Variants in GRIP1 observed in about 807,000 individuals in gnomAD.
GRIP1 encodes glutamate receptor-interacting protein 1.
A neutral mutation model predicts 129.9 loss-of-function variants in GRIP1; 45 were observed. That is an observed-to-expected ratio of 0.35 (90% CI 0.27 to 0.44). The LOEUF is 0.44. Among genes scored for constraint, GRIP1 ranks in the 20% least tolerant of loss-of-function variants. GRIP1 has a pLI of 1.00. For missense variants in GRIP1, 1,196 were observed against 1,396.8 expected (o/e 0.86, Z 2.29); for synonymous variants, 530 against 520.8 (o/e 1.02, Z -0.24).
At position 66,745,328 on chromosome 12, in the gene GRIP1, C is replaced by T. The variant is rs78171575; in HGVS notation, c.-420+58725G>A. 5.9e-3 allele frequency among the ~76,000 whole-genome samples: 899 copies of T among 152,196 alleles called. 27 individuals carry two copies. Among genetic ancestry groups the T allele is most frequent in the Admixed American group, 0.04 (604 of 15,270 alleles). On this transcript the variant is annotated intron_variant, in intron 1 of 4. Transcript: ENST00000538373. ...GCTCAAGACTATAGATGAATCAAAG[C>T]TGAAGAAAGACAAGGTACATAGAGT...
intron 1 of GRIP1, among the ~76,000 whole-genome samples, chr12:66,950,500 T>C (rs1007664852): frequency 1.3e-5 from 2 of 152,148 alleles, no homozygotes; most frequent in African/African-American, 4.8e-5. Flanking sequence ...TCTAAAATAT[T>C]TTCTAAAATA....
intron 1 of GRIP1, among the ~76,000 whole-genome samples, chr12:67,010,673 T>C (rs2042692240): frequency 6.6e-6 from 1 of 150,600 alleles, no homozygotes; most frequent in Non-Finnish European, 1.5e-5. Context: ...GCCAGTGAGA[T>C]TGTGTTCACT....
intron 19 of GRIP1, among the ~76,000 whole-genome samples, chr12:66,386,848 G>C (rs1362217031): frequency 1.3e-5 from 2 of 152,132 alleles, no homozygotes; most frequent in Non-Finnish European, 2.9e-5. Flanking sequence ...AATTGATCTT[G>C]CCAAGAAATA....
chr12:66,501,065 G>C (rs1221645872), intron 7 of GRIP1, among the ~76,000 whole-genome samples: 1 of 152,176 alleles, frequency 6.6e-6, no homozygotes, highest in African/African-American at 2.4e-5. Context: ...AGAAGAGCCA[G>C]GAGACAGGGG....
At chr12:66,815,144 T>C (rs200390899) in intron 1 of GRIP1, among the ~76,000 whole-genome samples, 1 of 152,196 alleles carries the variant, frequency 6.6e-6, no homozygotes, top group East Asian at 1.9e-4. Context: ...GTTTAAGGAA[T>C]AAAGCAATTA....
At chr12:66,892,671 A>G (rs969133610) in intron 1 of GRIP1, among the ~76,000 whole-genome samples, 1 of 152,218 alleles carries the variant, frequency 6.6e-6, no homozygotes, top group Admixed American at 6.5e-5. Flanking sequence ...CAATCAGGAT[A>G]CAAAACTGGA....
At position 67,008,621 on chromosome 12, in the gene GRIP1, G is replaced by A. The variant is rs116975247; in HGVS notation, c.58+60429C>T. Among the ~76,000 whole-genome samples, 632 of 152,218 alleles carry A rather than the reference G, an allele frequency of 4.2e-3. 2 individuals are homozygous for A. The highest frequency in any genetic ancestry group is 7.7e-3 in the Non-Finnish European group (521 of 67,998). On this transcript the variant is annotated intron_variant, in intron 1 of 1. Coordinates refer to the GRIP1 transcript ENST00000643019. ...CAACATACTAAATATGTGACCTTGAGCAAGTTACTTAACATCCCTACCCCT... is the reference window on the plus strand; with the variant it reads ...CAACATACTAAATATGTGACCTTGAACAAGTTACTTAACATCCCTACCCCT...
At chr12:66,787,928 T>C (rs1317858723) in intron 1 of GRIP1, among the ~76,000 whole-genome samples, 5 of 152,104 alleles carry the variant, frequency 3.3e-5, no homozygotes, top group Non-Finnish European at 5.9e-5. Context: ...AGGCGCCTTA[T>C]TGTGGTCACA....
chr12:66,560,447 T>C (rs1008315252), intron 2 of GRIP1, among the ~76,000 whole-genome samples: 2 of 152,084 alleles, frequency 1.3e-5, no homozygotes, highest in Admixed American at 6.6e-5. Flanking sequence ...AACCAGAATA[T>C]ATAAGGAGCT....
At chr12:66,678,270 T>C (rs1281246692) in intron 1 of GRIP1, among the ~76,000 whole-genome samples, 2 of 152,154 alleles carry the variant, frequency 1.3e-5, no homozygotes, top group Non-Finnish European at 2.9e-5. Flanking sequence ...CGAGCAATGA[T>C]TTTTACTTTC....
At chr12:66,959,037 TA>T (rs1240125893) in intron 1 of GRIP1, among the ~76,000 whole-genome samples, 4 of 152,242 alleles carry the variant, frequency 2.6e-5, no homozygotes, top group African/African-American at 7.2e-5. Flanking sequence ...ACGTCTTAAA[TA>T]GGTCTTTGCC....
At chr12:66,533,123 T>C (rs897618951) in intron 4 of GRIP1, among the ~76,000 whole-genome samples, 12 of 152,276 alleles carry the variant, frequency 7.9e-5, no homozygotes, top group Admixed American at 5.9e-4. Context: ...GAGAATTATG[T>C]AACATTTCAA....
chr12:66,543,410 A>G (rs148200538), intron 2 of GRIP1, among the ~76,000 whole-genome samples: 8 of 152,356 alleles, frequency 5.3e-5, no homozygotes, highest in African/African-American at 1.9e-4. Context: ...TGTATGACAG[A>G]CCAAATAAAA....
chr12:66,932,922 C>T (rs1316360781), intron 1 of GRIP1, among the ~76,000 whole-genome samples: 1 of 152,164 alleles, frequency 6.6e-6, no homozygotes, highest in African/African-American at 2.4e-5. Flanking sequence ...CTGCCTGGAC[C>T]TCCCAAAGTG....
At chr12:66,370,925 T>C (rs181926956) in intron 23 of GRIP1, among the ~76,000 whole-genome samples, 4 of 152,192 alleles carry the variant, frequency 2.6e-5, no homozygotes, top group Admixed American at 2.0e-4. Flanking sequence ...ATCTAACACA[T>C]CTTGGAGAGA....
chr12:67,004,794 G>A (rs141830973), intron 1 of GRIP1, among the ~76,000 whole-genome samples: 39 of 152,122 alleles, frequency 2.6e-4, no homozygotes, highest in Admixed American at 3.3e-4. Context: ...AGTTGGGAAC[G>A]GAATTCATTT....
At chr12:66,591,356 T>C (rs929001811) in intron 2 of GRIP1, among the ~76,000 whole-genome samples, 1 of 152,186 alleles carries the variant, frequency 6.6e-6, no homozygotes, top group African/African-American at 2.4e-5. Context: ...AGGCTGACAC[T>C]GAATGGCTTT....
At chr12:66,767,724 CGTGACTCAATTGAGAT>C (rs2037689044) in intron 1 of GRIP1, among the ~76,000 whole-genome samples, 1 of 152,134 alleles carries the variant, frequency 6.6e-6, no homozygotes, top group Non-Finnish European at 1.5e-5. Flanking sequence ...ATAATTTACA[CGTGACTCAATTGAGAT>C]GTAGGACCCT....
chr12:66,368,404 AAG>A (rs1254551716), intron 23 of GRIP1, among the ~76,000 whole-genome samples: 1 of 152,180 alleles, frequency 6.6e-6, no homozygotes, highest in African/African-American at 2.4e-5. Context: ...CCATGTGAGA[AAG>A]AGCCACCAGA....
Sources: allele counts gnomAD v4.1 joint callset (sites outside exome capture counted in the v4.1 genomes callset), GRCh38; gene constraint gnomAD v4.1.1; transcripts MANE v1.5; gene names NCBI Gene and HGNC (gene_info 2026-07-23, HGNC 2026-07-21).